Variants in TANGO6 observed in about 807,000 individuals in gnomAD.
TANGO6 encodes transport and golgi organization 6 homolog.
TANGO6 carries 90 observed loss-of-function variants against 114.2 expected under a neutral mutation model. That is an observed-to-expected ratio of 0.79 (90% confidence interval 0.66 to 0.94). TANGO6 has a LOEUF of 0.94. TANGO6 is among the 40% of genes least tolerant of loss of function. The pLI, the probability that TANGO6 is intolerant of heterozygous loss-of-function variation, is 0.00. For missense variants in TANGO6, 1,274 were observed against 1,315.3 expected, an observed-to-expected ratio of 0.97 and a Z score of 0.49; for synonymous variants, 477 against 509.8, an observed-to-expected ratio of 0.94 and a Z score of 0.87.
intron 15 of TANGO6, among the ~76,000 whole-genome samples, chr16:68,980,137 C>T (rs577644154): frequency 3.3e-5 from 5 of 151,986 alleles, no homozygotes; most frequent in South Asian, 4.1e-4. Flanking sequence ...TGAGCCACCA[C>T]GCCCTGCCCT....
chr16:69,022,332 T>C (rs559062996), intron 15 of TANGO6, among the ~76,000 whole-genome samples: 1 of 152,294 alleles, frequency 6.6e-6, no homozygotes, highest in Non-Finnish European at 1.5e-5. Flanking sequence ...CACAAAACCA[T>C]ACATCATGAA....
At chr16:68,953,395 A>G (rs911023424) in intron 14 of TANGO6, among the ~76,000 whole-genome samples, 6 of 152,130 alleles carry the variant, frequency 3.9e-5, no homozygotes, top group Non-Finnish European at 7.4e-5. Context: ...ACAGATATTT[A>G]TTGAGCACTG....
intron 15 of TANGO6, among the ~76,000 whole-genome samples, chr16:69,018,500 G>A (rs1165144797): frequency 6.6e-6 from 1 of 151,640 alleles, no homozygotes; most frequent in Non-Finnish European, 1.5e-5. Context: ...GTAACTCATA[G>A]GAATTAAGTA....
intron 7 of TANGO6, among the ~76,000 whole-genome samples, chr16:68,883,386 T>C (rs1250709811): frequency 1.3e-5 from 2 of 152,232 alleles, no homozygotes; most frequent in Non-Finnish European, 2.9e-5. Flanking sequence ...ATTGTGTACC[T>C]TTCATATAAA....
chr16:69,005,474 C>T (rs1964084004), intron 15 of TANGO6, among the ~76,000 whole-genome samples: 1 of 152,028 alleles, frequency 6.6e-6, no homozygotes, highest in Non-Finnish European at 1.5e-5. Context: ...AAATAAAGGA[C>T]AGAGAATCCA....
chr16:68,954,897 C>G (rs914271959), intron 14 of TANGO6, among the ~76,000 whole-genome samples: 10 of 152,070 alleles, frequency 6.6e-5, no homozygotes, highest in Non-Finnish European at 1.5e-4. Context: ...TTATTTTCTT[C>G]TTTGTGTCTT....
chr16:68,862,102 A>G (rs898997015), intron 2 of TANGO6, among the ~76,000 whole-genome samples: 3 of 151,912 alleles, frequency 2.0e-5, no homozygotes, highest in African/African-American at 4.8e-5. Flanking sequence ...CAGTGGCACA[A>G]TCTTGGCTCA....
At position 68,878,252 on chromosome 16, in the gene TANGO6, TC is replaced by T. The variant is rs1304242577; in HGVS notation, c.1268del (p.Pro423LeufsTer6). The T allele has an allele frequency of 6.2e-7, 1 of 1,610,712 alleles. No homozygotes were observed. Among genetic ancestry groups the T allele is most frequent in the Non-Finnish European group, 8.5e-7 (1 of 1,178,758 alleles). ...AGTATTTGCTCCAGCCAGTGTTAGC[TC>T]CTCTTCATCGATGTTTGAATACAGC... Reference protein sequence around the residue: ...AKYLLQPVLAPLHRCLNTAEL... With the variant: ...AKYLLQPVLAXLHRCLNTAEL... On this transcript the variant is annotated frameshift_variant, in exon 6 of 18. Coordinates refer to ENST00000261778, the MANE Select transcript of TANGO6 (RefSeq NM_024562.2). LOFTEE classifies it high-confidence loss of function.
chr16:68,941,206 G>A (rs1963349294), intron 14 of TANGO6, among the ~76,000 whole-genome samples: 1 of 152,178 alleles, frequency 6.6e-6, no homozygotes, highest in East Asian at 1.9e-4. Flanking sequence ...GAAAAAACAT[G>A]TTTTTATCTT....
chr16:69,017,070 G>GT (rs1442057587), intron 15 of TANGO6, among the ~76,000 whole-genome samples: 1 of 152,074 alleles, frequency 6.6e-6, no homozygotes, highest in African/African-American at 2.4e-5. Context: ...TAATTGAAGG[G>GT]TAACAGGGAG....
chr16:68,972,275 A>G (rs1318835960), intron 14 of TANGO6, among the ~76,000 whole-genome samples: 1 of 152,130 alleles, frequency 6.6e-6, no homozygotes, highest in Non-Finnish European at 1.5e-5. Flanking sequence ...ATGGGCAGAC[A>G]GGTGCAGCCC....
At chr16:69,012,321 C>G (rs933559250) in intron 15 of TANGO6, among the ~76,000 whole-genome samples, 5 of 152,152 alleles carry the variant, frequency 3.3e-5, no homozygotes, top group Non-Finnish European at 7.4e-5. Flanking sequence ...TTTTGGGAGG[C>G]CGAGGTGGTC....
chr16:68,899,998 G>A (rs1962761329), intron 7 of TANGO6, among the ~76,000 whole-genome samples: 1 of 152,132 alleles, frequency 6.6e-6, no homozygotes, highest in Admixed American at 6.5e-5. Context: ...AGTAAGCAGT[G>A]TTTTGGGTTT....
intron 17 of TANGO6, among the ~76,000 whole-genome samples, chr16:69,057,408 T>G (rs1039073613): frequency 6.6e-6 from 1 of 152,202 alleles, no homozygotes; most frequent in African/African-American, 2.4e-5. Flanking sequence ...CACTCTTTTT[T>G]CTTTTATTTA....
chr16:68,857,611 G>C (rs906117883), intron 1 of TANGO6, among the ~76,000 whole-genome samples: 3 of 152,106 alleles, frequency 2.0e-5, no homozygotes, highest in Non-Finnish European at 2.9e-5. Context: ...TTCCAAAGTG[G>C]CTATACTATT....
chr16:68,887,743 G>A (rs980539243), intron 7 of TANGO6, among the ~76,000 whole-genome samples: 2 of 152,042 alleles, frequency 1.3e-5, no homozygotes, highest in African/African-American at 4.8e-5. Flanking sequence ...GCCGGGCGTG[G>A]TGGCTCGTGC....
intron 14 of TANGO6, among the ~76,000 whole-genome samples, chr16:68,970,690 A>G (rs1464413841): frequency 2.7e-5 from 4 of 150,272 alleles, no homozygotes; most frequent in African/African-American, 7.3e-5. Context: ...AAAAAAGACT[A>G]TGTTAAACAA....
intron 15 of TANGO6, among the ~76,000 whole-genome samples, chr16:69,000,636 G>A (rs955234518): frequency 3.3e-5 from 5 of 151,352 alleles, no homozygotes; most frequent in Admixed American, 2.6e-4. Flanking sequence ...CTCTCACCCA[G>A]GCTGGAGTGC....
chr16:68,944,384 G>T (rs1208528397), intron 14 of TANGO6, among the ~76,000 whole-genome samples: 1 of 152,124 alleles, frequency 6.6e-6, no homozygotes, highest in Non-Finnish European at 1.5e-5. Context: ...TTTCCCAACT[G>T]AAGGGAAAAG....
Sources: gnomAD v4.1 joint callset for allele counts (sites outside exome capture counted in the v4.1 genomes callset) on GRCh38, gnomAD v4.1.1 for gene constraint, MANE v1.5 for transcripts, NCBI Gene and HGNC (gene_info 2026-07-23, HGNC 2026-07-21) for gene names.